The following MRC2 variants were observed in gnomAD, a reference collection of about 807,000 sequenced individuals.
MRC2 encodes the protein mannose receptor C-type 2.
A neutral mutation model predicts 206.2 loss-of-function variants in MRC2; 84 were observed. The observed-to-expected ratio is 0.41, with a 90% CI of 0.34 to 0.49. The LOEUF (loss-of-function observed/expected upper bound fraction) is 0.49. MRC2 is among the 20% of genes least tolerant of loss of function. The pLI, the probability that MRC2 is intolerant of heterozygous loss-of-function variation, is 0.31. For synonymous variants in MRC2, 798 were observed against 800.0 expected (o/e 1.00, Z 0.04); for missense variants, 1,676 against 2,001.5 (o/e 0.84, Z 3.10).
chr17:62,687,670 T>C (rs990446794), intron 20 of MRC2, among the ~76,000 whole-genome samples: 15 of 152,134 alleles, frequency 9.9e-5, no homozygotes, highest in Non-Finnish European at 5.9e-5. Flanking sequence ...CATTCAACAA[T>C]AGAGATAAAA....
chr17:62,639,955 G>A (rs2088378112), intron 1 of MRC2, among the ~76,000 whole-genome samples: 1 of 149,612 alleles, frequency 6.7e-6, no homozygotes, highest in Non-Finnish European at 1.5e-5. Flanking sequence ...CTGGGTTGAA[G>A]CAATTCTTCT....
At position 62,675,786 on chromosome 17, in the gene MRC2, C is replaced by T. The variant is rs368576032; in HGVS notation, c.1570-4C>T. ...CACCCCTCTTCTGTCCACTCTTGAGCCAGGGTTGGACGTGGCACAGCCCAT... is the reference window on the plus strand; with the variant it reads ...CACCCCTCTTCTGTCCACTCTTGAGTCAGGGTTGGACGTGGCACAGCCCAT... On this transcript the variant is annotated splice_region_variant and splice_polypyrimidine_tract_variant and intron_variant, in intron 9 of 29. Coordinates refer to ENST00000303375, the MANE Select transcript of MRC2 (RefSeq NM_006039.5). This position sits in a 1 kb window ranked among gnomAD's most constrained non-coding sequence, Gnocchi z 4.1. 2 of 1,612,286 alleles carry T rather than the reference C, an allele frequency of 1.2e-6. No homozygotes were observed. The highest frequency in any genetic ancestry group is 1.3e-5 in the African/African-American group (1 of 74,890).
rs778916716 is a variant in MRC2, at chr17:62,681,915, C to T, written c.2781C>T (p.Cys927=). Residue 927 remains cysteine, a synonymous_variant, in exon 19 of 30, where the codon TGC becomes TGT. Transcript: ENST00000303375. ...KPRPVGKDKK[C]VYMTASREDW... ...GGCCTGTCGGCAAGGACAAGAAGTG[C>T]GTGTACATGACAGCCAGCCGAGGTG... is the stretch of plus-strand genomic sequence containing the variant. The T allele has an allele frequency of 2.0e-5, 33 of 1,613,630 alleles. No individual in the cohort carries two copies. Among genetic ancestry groups the T allele is most frequent in the Non-Finnish European group, 2.5e-5 (30 of 1,179,932 alleles).
At chr17:62,648,554 C>T (rs1332720654) in intron 1 of MRC2, among the ~76,000 whole-genome samples, 1 of 152,196 alleles carries the variant, frequency 6.6e-6, no homozygotes. Context: ...ACCCTATCTG[C>T]CCTGCCCTAG....
intron 1 of MRC2, among the ~76,000 whole-genome samples, chr17:62,651,559 T>C (rs947998082): frequency 6.6e-6 from 1 of 152,128 alleles, no homozygotes; most frequent in Non-Finnish European, 1.5e-5. Flanking sequence ...ACCAAGAAAT[T>C]GAATTGAAAG....
intron 19 of MRC2, 70 bp downstream of exon 19, chr17:62,682,007 G>T: frequency 7.4e-7 from 1 of 1,354,180 alleles, no homozygotes; most frequent in Non-Finnish European, 1.0e-6. Flanking sequence ...AGCCTGGGCA[G>T]AAGTCATCAG....
At chr17:62,657,958 T>TC (rs1006585569) in intron 1 of MRC2, among the ~76,000 whole-genome samples, 2 of 151,580 alleles carry the variant, frequency 1.3e-5, no homozygotes, top group African/African-American at 4.9e-5. Context: ...CCTACAGGAA[T>TC]CCCCCCTCAG....
In MRC2 at chr17:62,659,617, G is replaced by T. The variant is rs574088443; in HGVS notation, c.119-4931G>T. ...ACATTCTGTTCATGGCAGGAGGGAA[G>T]GAGCAGGTTCAAGGCAGGGGACCCA... On this transcript the variant is annotated intron_variant, in intron 1 of 29. Transcript: ENST00000303375. Among the ~76,000 whole-genome samples, 17 of 152,222 alleles carry T rather than the reference G, an allele frequency of 1.1e-4. No individual in the cohort carries two copies. The East Asian group carries it at 1.7e-3, about 16-fold the overall frequency.
chr17:62,687,140 T>C (rs2089041626), intron 20 of MRC2, among the ~76,000 whole-genome samples: 1 of 151,842 alleles, frequency 6.6e-6, no homozygotes, highest in Non-Finnish European at 1.5e-5. Flanking sequence ...TCTTTATGAC[T>C]CCAAAGCTTC....
chr17:62,636,795 A>G (rs761180725), intron 1 of MRC2, among the ~76,000 whole-genome samples: 14 of 152,068 alleles, frequency 9.2e-5, no homozygotes, highest in Non-Finnish European at 1.8e-4. Flanking sequence ...AACTAAAGAC[A>G]GAGTCTCACT....
chr17:62,678,743 G>T, intron 13 of MRC2, 97 bp downstream of exon 13: 2 of 1,542,202 alleles, frequency 1.3e-6, no homozygotes, highest in Non-Finnish European at 8.7e-7. Context: ...CGAGCAGGGG[G>T]ATGGCAGAAT....
At chr17:62,659,133 T>C (rs1370860540) in intron 1 of MRC2, among the ~76,000 whole-genome samples, 1 of 152,148 alleles carries the variant, frequency 6.6e-6, no homozygotes, top group East Asian at 1.9e-4. Flanking sequence ...GGTGAGGGTC[T>C]CTCTGGGGTG....
Position 62,681,866 on chromosome 17 carries a change from T to C in MRC2, c.2732T>C (p.Ile911Thr), listed in dbSNP as rs1261223756. Residue 911 changes from isoleucine to threonine, a missense_variant, in exon 19 of 30, where the codon ATC (isoleucine) becomes ACC (threonine). By Grantham distance (89) the Ile-to-Thr change is moderately conservative. This residue lies in a region of MRC2 where 1,354 missense variants were observed against 1,636.6 expected (regional missense o/e 0.83). Transcript: ENST00000303375. ...ACAGATGGTTCCATTATAAACTTCA[T>C]CTCCTGGGCACCAGGCAAACCTCGG... ...RWTDGSIINF[I>T]SWAPGKPRPV... is the part of the protein sequence containing the mutation. The C allele has an allele frequency of 1.2e-6, 2 of 1,613,834 alleles. No homozygotes were observed. Among genetic ancestry groups the C allele is most frequent in the Admixed American group, 1.7e-5 (1 of 59,980 alleles).
At chr17:62,650,346 C>A (rs149388725) in intron 1 of MRC2, among the ~76,000 whole-genome samples, 1 of 152,326 alleles carries the variant, frequency 6.6e-6, no homozygotes, top group African/African-American at 2.4e-5. Flanking sequence ...TGTGGCAAAC[C>A]GGTGAGCCCA....
intron 1 of MRC2, among the ~76,000 whole-genome samples, chr17:62,663,461 ACCGTGC>A (rs561060216): frequency 6.6e-6 from 1 of 152,170 alleles, no homozygotes; most frequent in Non-Finnish European, 1.5e-5. Context: ...CAAAAGAAGC[ACCGTGC>A]CCTTTAGCAG....
rs761120337 is a variant in MRC2, at chr17:62,689,732, C to A, written c.3545C>A (p.Pro1182Gln). Residue 1182 changes from proline (P) to glutamine (Q), a missense_variant, in exon 24 of 30, where the codon CCG (proline) becomes CAG (glutamine). Coordinates refer to ENST00000303375, the MANE Select transcript of MRC2 (RefSeq NM_006039.5). ...CAGGCTGCCCGAGGGCTGCGCACGC[C>A]GCTCTGGATTGGGCTGGCTGGCGAG... Reference protein sequence around the residue: ...LTQAARGLRTPLWIGLAGEEG... With the variant: ...LTQAARGLRTQLWIGLAGEEG... 4 of 1,560,448 alleles carry A rather than the reference C, an allele frequency of 2.6e-6. No individual in the cohort carries two copies. The South Asian group carries it at 3.5e-5, about 14-fold the overall frequency.
chr17:62,675,847 A>T lies in MRC2; in HGVS notation c.1627A>T (p.Ser543Cys). The T allele has an allele frequency of 1.2e-6, 2 of 1,614,130 alleles. No individual in the cohort carries two copies. Among genetic ancestry groups the T allele is most frequent in the Non-Finnish European group, 1.7e-6 (2 of 1,180,004 alleles). The change falls in exon 10 of 30, where the codon AGT becomes TGT. Residue 543 changes from serine to cysteine, a missense_variant. By Grantham distance (112) the Ser-to-Cys change is moderately radical. Transcript: ENST00000303375. This position sits in a 1 kb window ranked among gnomAD's most constrained non-coding sequence, Gnocchi z 4.1. ...YWLGEDQVTY[S>C]EARRLCTDHG... The stretch of plus-strand genomic sequence containing the variant: ...GCTGGGAGAAGACCAAGTGACCTAC[A>T]GTGAGGCCCGGCGCCTGTGCACTGA...
chr17:62,689,903 C>A lies in MRC2; in HGVS notation c.3583C>A (p.Arg1195=). 1 of 1,595,286 alleles carries A rather than the reference C, an allele frequency of 6.3e-7. No homozygotes were observed. The highest frequency in any genetic ancestry group is 1.1e-5 in the South Asian group (1 of 88,750). The change falls in exon 25 of 30, where the codon CGG becomes AGG. Residue 1195 remains arginine (R), a synonymous_variant. Coordinates refer to ENST00000303375, the MANE Select transcript of MRC2 (RefSeq NM_006039.5). ...GGCCCCCCATGCCCAGGGCTCTCGG[C>A]GGTACTCCTGGGTCTCAGAGGAGCC... ...IGLAGEEGSR[R]YSWVSEEPLN...
rs938520707 is a variant in MRC2, at chr17:62,638,402, C to G, written c.118+10482C>G. 7.0e-4 allele frequency among the ~76,000 whole-genome samples: 107 copies of G among 151,886 alleles called. 2 individuals are homozygous for G. The highest frequency in any genetic ancestry group is 7.0e-3 in the Admixed American group (106 of 15,238). On this transcript the variant is annotated intron_variant, in intron 1 of 29. Transcript: ENST00000303375. ...TTATAAGAAAATAATGTGAGACACACCAGAAAAAACACACTAATAGGAAAA... is the reference window on the plus strand; with the variant it reads ...TTATAAGAAAATAATGTGAGACACAGCAGAAAAAACACACTAATAGGAAAA...
Sources: allele counts gnomAD v4.1 joint callset (sites outside exome capture counted in the v4.1 genomes callset), GRCh38; gene constraint gnomAD v4.1.1; regional missense constraint gnomAD v4.1.1; non-coding constraint Gnocchi (gnomAD v3.1); transcripts MANE v1.5; gene names NCBI Gene and HGNC (gene_info 2026-07-23, HGNC 2026-07-21).